PSMD11: variants seen among roughly 807,000 people sequenced by gnomAD.
PSMD11 encodes 26S proteasome non-ATPase regulatory subunit 11.
PSMD11 carries 5 observed loss-of-function variants against 62.3 expected under a neutral mutation model. The ratio of observed to expected loss-of-function variants is 0.08; its 90% confidence interval spans 0.04 to 0.17. The LOEUF (loss-of-function observed/expected upper bound fraction) is 0.17. Among genes scored for constraint, PSMD11 ranks in the 10% least tolerant of loss-of-function variants. PSMD11 has a pLI of 1.00. For synonymous variants in PSMD11, 191 were observed against 191.8 expected (o/e 1.00, Z 0.03); for missense variants, 310 against 512.9 (o/e 0.60, Z 3.82).
At chr17:32,456,925 C>G (rs1041953512) in intron 3 of PSMD11, among the ~76,000 whole-genome samples, 4 of 152,190 alleles carry the variant, frequency 2.6e-5, no homozygotes, top group Non-Finnish European at 5.9e-5. Context: ...CCTTGGCCTC[C>G]CAAAGTGCTG....
chr17:32,456,350 C>G (rs1399458351), intron 3 of PSMD11, among the ~76,000 whole-genome samples: 3 of 151,928 alleles, frequency 2.0e-5, no homozygotes, highest in Non-Finnish European at 2.9e-5. Flanking sequence ...TAACCTAGAG[C>G]TCACTCAGCG....
intron 12 of PSMD11, 133 bp downstream of exon 12, chr17:32,480,330 A>T: frequency 6.9e-7 from 1 of 1,450,844 alleles, no homozygotes; most frequent in South Asian, 1.2e-5. Flanking sequence ...CTTCCCTGTG[A>T]TGAGAATGTG....
In PSMD11 at chr17:32,469,066, A is replaced by G. The variant is rs1292753593; in HGVS notation, c.516A>G (p.Leu172=). Residue 172 remains leucine (L), a synonymous_variant, in exon 6 of 14, where the codon TTA becomes TTG. Transcript: ENST00000261712. ...CTCTTTTGGTGGAAGTACAGCTTTT[A>G]GAAAGCAAAACATACCATGCCCTGA... The part of the protein sequence containing the change: ...DKALLVEVQL[L]ESKTYHALSN... 2.5e-6 allele frequency: 4 copies of G among 1,614,174 alleles called. No homozygotes were observed. In the South Asian group the frequency reaches 3.3e-5, roughly 13 times the overall value.
At chr17:32,457,799 CT>C (rs899744030) in intron 3 of PSMD11, among the ~76,000 whole-genome samples, 1 of 145,992 alleles carries the variant, frequency 6.8e-6, no homozygotes, top group African/African-American at 2.6e-5. Context: ...TTCTCTCTCT[CT>C]CTTTTTTTTT....
rs1908430945 is a variant in PSMD11 at position 32,479,595 on chromosome 17, T to C, written c.1038+219T>C. The C allele has an allele frequency of 5.5e-6, 4 of 724,064 alleles. No individual in the cohort carries two copies. The East Asian group carries it at 1.1e-4, about 20-fold the overall frequency. The allele number at this position is 724,064 out of a possible 1,614,324, so 44.9% of individuals were successfully genotyped here. ...TTGCCCCTGCATGTGTTCTGAGCAG[T>C]TTCCTCCTCGCTTTTAGTCACTGCA... On this transcript the variant is annotated intron_variant, in intron 10 of 13. Transcript: ENST00000261712.
At chr17:32,460,697 C>T (rs1028872200) in intron 3 of PSMD11, among the ~76,000 whole-genome samples, 2 of 149,340 alleles carry the variant, frequency 1.3e-5, no homozygotes, top group African/African-American at 2.5e-5. Flanking sequence ...GGCGTGAACC[C>T]GGGAGGCGGA....
chr17:32,453,158 G>A (rs925099810), intron 2 of PSMD11, among the ~76,000 whole-genome samples: 1 of 152,172 alleles, frequency 6.6e-6, no homozygotes, highest in African/African-American at 2.4e-5. Flanking sequence ...AAGGGACATT[G>A]CTTCAGACTA....
intron 3 of PSMD11, among the ~76,000 whole-genome samples, chr17:32,462,821 G>T (rs1907880566): frequency 6.6e-6 from 1 of 152,080 alleles, no homozygotes; most frequent in South Asian, 2.1e-4. Context: ...CGAGTAGCTG[G>T]GATTACGATC....
intron 3 of PSMD11, among the ~76,000 whole-genome samples, chr17:32,458,999 G>A (rs920453185): frequency 6.6e-6 from 1 of 150,896 alleles, no homozygotes; most frequent in Non-Finnish European, 1.5e-5. Context: ...GGTGGCTGAG[G>A]CACAAGAATC....
At chr17:32,467,371 G>A (rs148780005) in intron 5 of PSMD11, among the ~76,000 whole-genome samples, 3,959 of 149,750 alleles carry the variant, frequency 0.026, 174 homozygotes, top group African/African-American at 0.09. Context: ...TCAGCCTCCC[G>A]AGTAGCTGAG....
chr17:32,460,617 CA>C (rs1258412568), intron 3 of PSMD11, among the ~76,000 whole-genome samples: 1 of 151,822 alleles, frequency 6.6e-6, no homozygotes, highest in Non-Finnish European at 1.5e-5. Flanking sequence ...ACTAAAAATA[CA>C]AAAAATTAGC....
At chr17:32,459,292 CACTGCAGCCTCA>C (rs1907754089) in intron 3 of PSMD11, among the ~76,000 whole-genome samples, 1 of 151,938 alleles carries the variant, frequency 6.6e-6, no homozygotes, top group South Asian at 2.1e-4. Context: ...GCTCACAGCT[CACTGCAGCCTCA>C]ACTTCCTGGG....
Position 32,446,930 on chromosome 17 carries a change from A to G in PSMD11, c.92-15A>G. The G allele has an allele frequency of 6.3e-7, 1 of 1,591,046 alleles. No individual in the cohort carries two copies. The highest frequency in any genetic ancestry group is 2.3e-5 in the East Asian group (1 of 44,088). On this transcript the variant is annotated splice_polypyrimidine_tract_variant and intron_variant, in intron 1 of 13. Transcript: ENST00000261712. The stretch of plus-strand genomic sequence containing the variant: ...TGGTCAGAATTTTAAGAGGGTTTGC[A>G]TTTTCCTCTCCCAGTGAAGCGTGAC...
intron 2 of PSMD11, 45 bp downstream of exon 2, chr17:32,447,091 C>T (rs369201000): frequency 1.1e-4 from 153 of 1,448,198 alleles, no homozygotes; most frequent in Admixed American, 1.9e-5. Context: ...CAGTGAAATT[C>T]CTGTCTTTTG....
At chr17:32,479,815 C>CT (rs1328144742) in intron 10 of PSMD11, 36 bp from the exon 11 acceptor site, 1 of 1,605,522 alleles carries the variant, frequency 6.2e-7, no homozygotes, top group African/African-American at 1.3e-5. Context: ...AAAAGTAAAA[C>CT]TTTCAGTGTT....
At chr17:32,466,284 A>C (rs2040971778) in intron 5 of PSMD11, among the ~76,000 whole-genome samples, 2 of 152,214 alleles carry the variant, frequency 1.3e-5, no homozygotes, top group Non-Finnish European at 1.5e-5. Context: ...GGTGTGAGCT[A>C]CCGTGCCTGG....
intron 8 of PSMD11, among the ~76,000 whole-genome samples, chr17:32,476,507 C>T (rs915160233): frequency 4.6e-5 from 7 of 152,164 alleles, no homozygotes; most frequent in Non-Finnish European, 8.8e-5. Flanking sequence ...ATGTAGTCTA[C>T]TGTATAAGAC....
Position 32,469,172 on chromosome 17 carries a change from G to A in PSMD11, c.622G>A (p.Ala208Thr), listed in dbSNP as rs1269792106. Residue 208 changes from alanine to threonine, a missense_variant, in exon 6 of 14, where the codon GCC (alanine) becomes ACC (threonine). This residue lies in a region of PSMD11 where 47 missense variants were observed against 117.7 expected (regional missense o/e 0.40). Transcript: ENST00000261712. Reference protein sequence around the residue: ...NAIYCPPKLQATLDMQSGIIH... With the variant: ...NAIYCPPKLQTTLDMQSGIIH... ...CATCTACTGCCCCCCTAAATTGCAG[G>A]CCACCTTGGACATGCAGTCGGGTAA... The A allele has an allele frequency of 6.2e-7, 1 of 1,613,698 alleles. No individual in the cohort carries two copies. The highest frequency in any genetic ancestry group is 1.3e-5 in the African/African-American group (1 of 74,866).
chr17:32,456,687 G>A lies in PSMD11; in HGVS notation c.318+2068G>A, dbSNP rs544845365. Among the ~76,000 whole-genome samples the A allele has an allele frequency of 4.6e-5, 7 of 152,306 alleles. 1 individual carries two copies. The South Asian group carries it at 1.0e-3, about 23-fold the overall frequency. ...TGGGACTACAGGCGCCCGCCACCAC[G>A]CCTGGCTAAGTTTTTGTAATTTTTT... On this transcript the variant is annotated intron_variant, in intron 3 of 13. Coordinates refer to ENST00000261712, the MANE Select transcript of PSMD11 (RefSeq NM_002815.4).
Sources: allele counts gnomAD v4.1 joint callset (sites outside exome capture counted in the v4.1 genomes callset), GRCh38; gene constraint gnomAD v4.1.1; regional missense constraint gnomAD v4.1.1; transcripts MANE v1.5; gene names NCBI Gene and HGNC (gene_info 2026-07-23, HGNC 2026-07-21).